DCC: variants seen among roughly 807,000 people sequenced by gnomAD.
DCC encodes the protein DCC netrin 1 receptor, also known as netrin receptor DCC.
In DCC, 58 loss-of-function variants were observed where a neutral mutation model predicts 172.5. That is an observed-to-expected ratio of 0.34 (90% CI 0.27 to 0.42). The LOEUF (loss-of-function observed/expected upper bound fraction) is 0.42, where lower values mean the gene tolerates loss of function less well. DCC is among the 10% of genes least tolerant of loss of function. The pLI is 1.00. For synonymous variants in DCC, 709 were observed against 644.5 expected, an observed-to-expected ratio of 1.10 and a Z score of -1.52; for missense variants, 1,740 against 1,791.0, an observed-to-expected ratio of 0.97 and a Z score of 0.51.
chr18:53,005,339 T>C (rs946745520), intron 5 of DCC, among the ~76,000 whole-genome samples: 2 of 152,202 alleles, frequency 1.3e-5, no homozygotes, highest in African/African-American at 4.8e-5. Flanking sequence ...CTTTATATTA[T>C]AGGTAAGTAA....
At chr18:53,382,045 TTCTC>T (rs200924627) in intron 15 of DCC, among the ~76,000 whole-genome samples, 4 of 144,000 alleles carry the variant, frequency 2.8e-5, no homozygotes, top group Admixed American at 7.1e-5. Flanking sequence ...CGTTTTTCTT[TTCTC>T]TCTCTCTCTG....
intron 2 of DCC, among the ~76,000 whole-genome samples, chr18:52,770,940 A>G (rs931304779): frequency 2.0e-4 from 30 of 152,206 alleles, no homozygotes; most frequent in Admixed American, 4.6e-4. Context: ...TTTTCTATAC[A>G]TGGTTCCTCA....
At chr18:53,114,885 G>C (rs1052522953) in intron 7 of DCC, among the ~76,000 whole-genome samples, 4 of 151,624 alleles carry the variant, frequency 2.6e-5, no homozygotes, top group African/African-American at 9.7e-5. Context: ...TTATACACTT[G>C]ATGAAAGAAA....
At chr18:53,357,356 A>G (rs572605459) in intron 15 of DCC, among the ~76,000 whole-genome samples, 1 of 152,300 alleles carries the variant, frequency 6.6e-6, no homozygotes, top group African/African-American at 2.4e-5. Flanking sequence ...TTCTAAGTTC[A>G]GTGAATTCAA....
At chr18:52,692,848 TTAC>T (rs1486374753) in intron 1 of DCC, among the ~76,000 whole-genome samples, 1 of 152,106 alleles carries the variant, frequency 6.6e-6, no homozygotes, top group African/African-American at 2.4e-5. Flanking sequence ...AAATCAGATA[TTAC>T]CAAGTATAAA....
intron 14 of DCC, among the ~76,000 whole-genome samples, chr18:53,322,609 C>T (rs959037236): frequency 1.3e-5 from 2 of 151,836 alleles, no homozygotes; most frequent in Non-Finnish European, 2.9e-5. Context: ...ATTATCATTA[C>T]CTTTTCTTGG....
chr18:52,390,128 G>C (rs1432468424), intron 1 of DCC, among the ~76,000 whole-genome samples: 1 of 152,054 alleles, frequency 6.6e-6, no homozygotes, highest in Non-Finnish European at 1.5e-5. Context: ...CAAAAGATCT[G>C]TAATAGGGGA....
intron 1 of DCC, among the ~76,000 whole-genome samples, chr18:52,502,089 A>G (rs903303234): frequency 3.9e-5 from 6 of 152,330 alleles, no homozygotes; most frequent in African/African-American, 1.4e-4. Context: ...CTGCATTTGC[A>G]TGCATGATTA....
chr18:52,784,498 C>T (rs1310946977), intron 2 of DCC, among the ~76,000 whole-genome samples: 1 of 151,960 alleles, frequency 6.6e-6, no homozygotes, highest in Non-Finnish European at 1.5e-5. Flanking sequence ...GTACTGTTTT[C>T]CATAATGTCT....
chr18:52,576,340 G>A (rs577196540), intron 1 of DCC, among the ~76,000 whole-genome samples: 43 of 152,246 alleles, frequency 2.8e-4, no homozygotes, highest in African/African-American at 9.6e-4. Context: ...ATTGACTAGC[G>A]GGATTAAGGA....
intron 14 of DCC, among the ~76,000 whole-genome samples, chr18:53,334,296 C>T (rs1163045622): frequency 6.6e-6 from 1 of 152,150 alleles, no homozygotes; most frequent in Non-Finnish European, 1.5e-5. Context: ...TTAAGATCTT[C>T]TCCTTCTACT....
intron 1 of DCC, among the ~76,000 whole-genome samples, chr18:52,713,534 T>C (rs557177521): frequency 6.6e-6 from 1 of 152,130 alleles, no homozygotes; most frequent in Non-Finnish European, 1.5e-5. Flanking sequence ...GCCGGCAGCA[T>C]GAGGAAGGCG....
At position 53,467,942 on chromosome 18, in the gene DCC, C is replaced by T. The variant is rs770545525; in HGVS notation, c.3668C>T (p.Ser1223Leu). 13 of 1,613,084 alleles carry T rather than the reference C, an allele frequency of 8.1e-6. No individual in the cohort carries two copies. Among genetic ancestry groups the T allele is most frequent in the East Asian group, 2.2e-5 (1 of 44,868 alleles). ...AGSSMSTLER[S>L]LAARRAPRAK... ...AGCTCTATGTCCACTCTGGAGAGGTCGCTGGCTGCACGCCGAGCCCCCCGG... is the reference window on the plus strand; with the variant it reads ...AGCTCTATGTCCACTCTGGAGAGGTTGCTGGCTGCACGCCGAGCCCCCCGG... The change falls in exon 25 of 29, where the codon TCG (serine) becomes TTG (leucine). Residue 1223 changes from serine (S) to leucine (L), a missense_variant. Coordinates refer to ENST00000442544, the MANE Select transcript of DCC (RefSeq NM_005215.4).
intron 12 of DCC, among the ~76,000 whole-genome samples, chr18:53,281,793 G>A (rs572819352): frequency 2.7e-5 from 4 of 147,874 alleles, no homozygotes; most frequent in Non-Finnish European, 5.9e-5. Context: ...TGCCTGAGAG[G>A]CACTTTGCCA....
At chr18:53,385,249 T>C (rs1908080920) in intron 15 of DCC, among the ~76,000 whole-genome samples, 1 of 152,142 alleles carries the variant, frequency 6.6e-6, no homozygotes. Flanking sequence ...CTTGTTCTTG[T>C]ATGGACCCCT....
intron 27 of DCC, among the ~76,000 whole-genome samples, chr18:53,503,978 C>T (rs150043372): frequency 1.4e-3 from 212 of 152,254 alleles, no homozygotes; most frequent in African/African-American, 4.8e-3. Flanking sequence ...CATTGTACTG[C>T]GAAATTGAGT....
intron 1 of DCC, among the ~76,000 whole-genome samples, chr18:52,532,286 T>C (rs2032173411): frequency 6.6e-6 from 1 of 152,214 alleles, no homozygotes; most frequent in African/African-American, 2.4e-5. Context: ...ATGTGAGGAC[T>C]TCTTATCAAA....
chr18:52,923,979 T>A lies in DCC; in HGVS notation c.848+122T>A. On this transcript the variant is annotated intron_variant, in intron 4 of 28. Coordinates refer to ENST00000442544, the MANE Select transcript of DCC (RefSeq NM_005215.4). ...AGGGTTTTTCATAATAATTGAATAT[T>A]TTTCCACATTTCTTGGCATGATACA... 6 of 766,328 alleles carry A rather than the reference T, an allele frequency of 7.8e-6. No individual in the cohort carries two copies. In the South Asian group the frequency reaches 9.0e-5, roughly 11 times the overall value. The allele number at this position is 766,328 out of a possible 1,614,324, so 47.5% of individuals were successfully genotyped here.
At position 53,526,695 on chromosome 18, in the gene DCC, T is replaced by G; in HGVS notation, c.4190T>G (p.Val1397Gly). ...AGKARSPLLP[V>G]SVPTAPEVSE... is the part of the protein sequence containing the mutation. ...AAAGCAAGATCCCCTTTGCTTCCTG[T>G]GTCTGTGCCAACAGCCCCTGAAGTG... The change falls in exon 28 of 29, where the codon GTG (valine) becomes GGG (glycine). Residue 1397 changes from valine (V) to glycine (G), a missense_variant. Val to Gly is a moderately radical substitution (Grantham distance 109). Coordinates refer to ENST00000442544, the MANE Select transcript of DCC (RefSeq NM_005215.4). 6.2e-7 allele frequency: 1 copy of G among 1,613,600 alleles called. No individual in the cohort carries two copies. Among genetic ancestry groups the G allele is most frequent in the Non-Finnish European group, 8.5e-7 (1 of 1,179,698 alleles).
Sources: gnomAD v4.1 joint callset for allele counts (sites outside exome capture counted in the v4.1 genomes callset) on GRCh38, gnomAD v4.1.1 for gene constraint, MANE v1.5 for transcripts, NCBI Gene and HGNC (gene_info 2026-07-23, HGNC 2026-07-21) for gene names.